GAPVD1: variants seen among roughly 807,000 people sequenced by gnomAD.
GAPVD1 encodes GTPase-activating protein and VPS9 domain-containing protein 1.
Under a neutral mutation model 155.5 loss-of-function variants are expected in GAPVD1, and 35 were observed. That is an observed-to-expected ratio of 0.23 (90% CI 0.17 to 0.30). The LOEUF (loss-of-function observed/expected upper bound fraction) is 0.30, where lower values mean the gene tolerates loss of function less well. Ranked by LOEUF, GAPVD1 falls within the 10% of genes least tolerant of loss-of-function variation. GAPVD1 has a pLI of 1.00. For synonymous variants in GAPVD1, 636 were observed against 619.7 expected, an observed-to-expected ratio of 1.03 and a Z score of -0.39; for missense variants, 1,429 against 1,775.7, an observed-to-expected ratio of 0.80 and a Z score of 3.51.
intron 3 of GAPVD1, among the ~76,000 whole-genome samples, chr9:125,298,481 A>AATT (rs1840240077): frequency 1.1e-5 from 1 of 89,250 alleles, no homozygotes; most frequent in African/African-American, 4.8e-5. Context: ...ATGTAACCTA[A>AATT]TTTTTTTTTT....
rs1841083509 is a variant in GAPVD1 at position 125,302,617 on chromosome 9, T to G, written c.820T>G (p.Tyr274Asp). The G allele has an allele frequency of 6.2e-7, 1 of 1,613,944 alleles. No individual in the cohort carries two copies. Among genetic ancestry groups the G allele is most frequent in the Non-Finnish European group, 8.5e-7 (1 of 1,179,964 alleles). Residue 274 changes from tyrosine (Y) to aspartate (D), a missense_variant, in exon 5 of 28, where the codon TAT becomes GAT. Physicochemically the swap from Tyr to Asp is radical, Grantham distance 160. Coordinates refer to ENST00000297933, the MANE Select transcript of GAPVD1 (RefSeq NM_001282680.3). ...TATTGGTTATCTCAAACAGAACACATATTGTTTTCCACATAGTTTAAGGTG... is the reference window on the plus strand; with the variant it reads ...TATTGGTTATCTCAAACAGAACACAGATTGTTTTCCACATAGTTTAAGGTG... ...KFIGYLKQNT[Y>D]CFPHSLRWIV...
intron 2 of GAPVD1, among the ~76,000 whole-genome samples, chr9:125,290,552 G>A (rs1427695574): frequency 6.6e-6 from 1 of 152,184 alleles, no homozygotes; most frequent in Admixed American, 6.6e-5. Flanking sequence ...ACAAAAGCGC[G>A]GAGCCGAATA....
At chr9:125,322,159 G>T (rs1844420080) in intron 10 of GAPVD1, among the ~76,000 whole-genome samples, 1 of 152,074 alleles carries the variant, frequency 6.6e-6, no homozygotes, top group African/African-American at 2.4e-5. Context: ...CCGCCTCCCG[G>T]GTTCACGCCA....
At chr9:125,294,379 G>T (rs1288722391) in intron 2 of GAPVD1, among the ~76,000 whole-genome samples, 4 of 138,554 alleles carry the variant, frequency 2.9e-5, no homozygotes, top group African/African-American at 1.1e-4. Context: ...ACGGAATCTC[G>T]CTCTGTCGCC....
intron 1 of GAPVD1, chr9:125,263,585 C>CT: frequency 7.9e-7 from 1 of 1,270,298 alleles, no homozygotes; most frequent in East Asian, 2.7e-5. Context: ...TCCAATTTTA[C>CT]TGAGGTGGCT....
At chr9:125,306,232 C>T (rs1472633164) in intron 6 of GAPVD1, among the ~76,000 whole-genome samples, 3 of 151,920 alleles carry the variant, frequency 2.0e-5, no homozygotes, top group Admixed American at 1.3e-4. Context: ...GGCGTGATCT[C>T]GGCTCACTGT....
chr9:125,337,636 A>G (rs1589033246), intron 17 of GAPVD1, 45 bp downstream of exon 17: 4 of 1,523,054 alleles, frequency 2.6e-6, no homozygotes. Context: ...CTGCCTGCCT[A>G]GTTCTCTTGA....
intron 4 of GAPVD1, among the ~76,000 whole-genome samples, chr9:125,301,642 G>C (rs187854650): frequency 6.6e-6 from 1 of 151,740 alleles, no homozygotes; most frequent in Non-Finnish European, 1.5e-5. Context: ...AGAAATGGGA[G>C]TTTCGCCGTG....
intron 15 of GAPVD1, among the ~76,000 whole-genome samples, chr9:125,333,820 G>T (rs1651157252): frequency 6.6e-6 from 1 of 151,532 alleles, no homozygotes; most frequent in Admixed American, 6.6e-5. Flanking sequence ...ATTTTTTTTT[G>T]TTCTAAACCA....
chr9:125,354,783 T>C lies in GAPVD1; in HGVS notation c.3699T>C (p.Thr1233=), dbSNP rs1849816841. Residue 1233 remains threonine, a synonymous_variant, in exon 24 of 28, where the codon ACT becomes ACC. Transcript: ENST00000297933. The part of the protein sequence containing the change: ...DKEVANRYFT[T]VCVRLLLESK... ...AAGTGGCCAATCGATACTTTACCAC[T>C]GTCTGTGTGAGATTACTGCTTGAGA... 1 of 1,613,962 alleles carries C rather than the reference T, an allele frequency of 6.2e-7. No homozygotes were observed. Among genetic ancestry groups the C allele is most frequent in the African/African-American group, 1.3e-5 (1 of 75,052 alleles).
At chr9:125,333,525 G>A (rs1173038217) in intron 15 of GAPVD1, among the ~76,000 whole-genome samples, 3 of 88,626 alleles carry the variant, frequency 3.4e-5, no homozygotes, top group Admixed American at 1.6e-4. Context: ...TTTTGCTCTT[G>A]TTGCCCAGGC....
chr9:125,312,128 C>G (rs1034394141), intron 8 of GAPVD1, among the ~76,000 whole-genome samples: 1 of 152,066 alleles, frequency 6.6e-6, no homozygotes, highest in African/African-American at 2.4e-5. Flanking sequence ...TGAGGTAATG[C>G]TTTTCTTGTC....
intron 9 of GAPVD1, 62 bp from the exon 10 acceptor site, chr9:125,321,371 G>T (rs1004193278): frequency 2.5e-6 from 3 of 1,198,704 alleles, no homozygotes; most frequent in Non-Finnish European, 3.7e-6. Context: ...CATTTGCTGT[G>T]GTTTGTTTCC....
Position 125,269,916 on chromosome 9 carries a change from ACC to A in GAPVD1, c.-150+933_-150+934del, listed in dbSNP as rs1297826331. Among the ~76,000 whole-genome samples the A allele has an allele frequency of 3.3e-5, 5 of 151,036 alleles. No individual in the cohort carries two copies. The East Asian group carries it at 9.8e-4, about 30-fold the overall frequency. ...TTATTTTTAGTAGAGACGGGGTTTT[ACC>A]ATGTTGGCCAGGCTGGTCTTGAACT... is the stretch of plus-strand genomic sequence containing the variant. On this transcript the variant is annotated intron_variant, in intron 2 of 27. Transcript: ENST00000297933.
At chr9:125,263,888 T>C (rs761831428) in intron 1 of GAPVD1, 7 of 1,424,946 alleles carry the variant, frequency 4.9e-6, no homozygotes, top group African/African-American at 1.4e-5. Flanking sequence ...GATACCCTCA[T>C]TGGTAAGGTA....
chr9:125,349,429 G>T lies in GAPVD1; in HGVS notation c.3209G>T (p.Arg1070Leu), dbSNP rs775868907. The change falls in exon 21 of 28, where the codon CGT becomes CTT. Residue 1070 changes from arginine to leucine, a missense_variant. Arg to Leu is a moderately radical substitution (Grantham distance 102). Coordinates refer to ENST00000297933, the MANE Select transcript of GAPVD1 (RefSeq NM_001282680.3). The stretch of plus-strand genomic sequence containing the variant: ...GGTGAAAGTGCACATGATTCTCCCC[G>T]TGACGAAGCACTGCAGAACATCTCG... ...GDGESAHDSP[R>L]DEALQNISAD... 2 of 1,613,720 alleles carry T rather than the reference G, an allele frequency of 1.2e-6. No individual in the cohort carries two copies. Among genetic ancestry groups the T allele is most frequent in the South Asian group, 2.2e-5 (2 of 91,068 alleles).
At chr9:125,350,204 C>T in intron 21 of GAPVD1, 91 bp from the exon 22 acceptor site, 1 of 746,068 alleles carries the variant, frequency 1.3e-6, no homozygotes, top group Admixed American at 3.0e-5. Context: ...ACATTTGAGT[C>T]CTAAGGTAAC....
Position 125,332,619 on chromosome 9 carries a change from A to G in GAPVD1, c.2418A>G (p.Glu806=). The change falls in exon 15 of 28, where the codon GAA becomes GAG. Residue 806 remains glutamate, a synonymous_variant. Transcript: ENST00000297933. ...KDSVTSPDMD[E]ITHGAHQLTS... ...CTGTCACTAGTCCAGACATGGATGA[A>G]ATAACTCACGGTAAGAGGGGGAAAT... 6.2e-7 allele frequency: 1 copy of G among 1,607,966 alleles called. No individual in the cohort carries two copies. The highest frequency in any genetic ancestry group is 1.7e-5 in the Admixed American group (1 of 57,960).
chr9:125,320,357 C>T (rs1333537197), intron 9 of GAPVD1, among the ~76,000 whole-genome samples: 5 of 152,066 alleles, frequency 3.3e-5, no homozygotes, highest in African/African-American at 1.2e-4. Context: ...ATTTGGAAGT[C>T]ATCTGGCAAA....
Sources: allele counts gnomAD v4.1 joint callset (sites outside exome capture counted in the v4.1 genomes callset), GRCh38; gene constraint gnomAD v4.1.1; transcripts MANE v1.5; gene names NCBI Gene and HGNC (gene_info 2026-07-23, HGNC 2026-07-21).